Variants in ALDH1A1 observed in about 807,000 individuals in gnomAD.
ALDH1A1 encodes the protein aldehyde dehydrogenase 1 family member A1.
Under a neutral mutation model 62.1 loss-of-function variants are expected in ALDH1A1, and 19 were observed. The observed-to-expected ratio is 0.31, with a 90% CI of 0.21 to 0.45. The LOEUF (loss-of-function observed/expected upper bound fraction) is 0.45, where lower values mean the gene tolerates loss of function less well. Ranked by LOEUF, ALDH1A1 falls within the 20% of genes least tolerant of loss-of-function variation. The pLI is 1.00. For synonymous variants in ALDH1A1, 231 were observed against 215.9 expected (o/e 1.07, Z -0.61); for missense variants, 521 against 607.1 (o/e 0.86, Z 1.49).
intron 7 of ALDH1A1, among the ~76,000 whole-genome samples, chr9:72,921,865 A>T (rs1201808923): frequency 6.6e-6 from 1 of 151,876 alleles, no homozygotes; most frequent in South Asian, 2.1e-4. Flanking sequence ...GACAATGGGA[A>T]CTCAGATGGG....
chr9:72,903,456 T>TA (rs1829832125), intron 12 of ALDH1A1, among the ~76,000 whole-genome samples: 1 of 152,068 alleles, frequency 6.6e-6, no homozygotes, highest in Non-Finnish European at 1.5e-5. Context: ...GGAAAATTTA[T>TA]AATTTAACTC....
At chr9:72,940,363 T>C in intron 1 of ALDH1A1, 111 bp from the exon 2 acceptor site, 1 of 733,954 alleles carries the variant, frequency 1.4e-6, no homozygotes, top group Non-Finnish European at 2.3e-6. Flanking sequence ...GATGCACATC[T>C]CTTCACCTCT....
At chr9:72,950,141 C>T (rs550033765) in intron 1 of ALDH1A1, among the ~76,000 whole-genome samples, 2 of 151,836 alleles carry the variant, frequency 1.3e-5, no homozygotes, top group Non-Finnish European at 2.9e-5. Flanking sequence ...GGATCACTAA[C>T]GTTAAATCAT....
At chr9:72,951,877 G>T (rs1197005804) in intron 1 of ALDH1A1, among the ~76,000 whole-genome samples, 2 of 151,850 alleles carry the variant, frequency 1.3e-5, no homozygotes, top group African/African-American at 4.8e-5. Flanking sequence ...CTTTCCTGAG[G>T]AAAAGAGCCA....
intron 2 of ALDH1A1, among the ~76,000 whole-genome samples, chr9:72,933,592 CAAAAAAA>C (rs60011646): frequency 1.8e-5 from 2 of 111,732 alleles, no homozygotes; most frequent in African/African-American, 3.5e-5. Flanking sequence ...CATCTCAAAA[CAAAAAAA>C]AAAAAAAAAA....
intron 12 of ALDH1A1, among the ~76,000 whole-genome samples, chr9:72,904,318 A>C (rs1829846347): frequency 6.6e-6 from 1 of 152,094 alleles, no homozygotes; most frequent in Non-Finnish European, 1.5e-5. Flanking sequence ...TCCACTAATA[A>C]AATCTAAGTC....
intron 5 of ALDH1A1, 86 bp downstream of exon 5, chr9:72,927,030 C>A: frequency 2.1e-6 from 2 of 943,212 alleles, no homozygotes; most frequent in South Asian, 1.9e-5. Flanking sequence ...ACATAAGCAT[C>A]CATCTGTTTT....
At chr9:72,925,447 T>C in intron 6 of ALDH1A1, 37 bp downstream of exon 6, 1 of 1,606,056 alleles carries the variant, frequency 6.2e-7, no homozygotes, top group Non-Finnish European at 8.5e-7. Flanking sequence ...TTAGGATTCT[T>C]GAGTTCTTGA....
At chr9:72,914,305 A>T (rs1005689335) in intron 9 of ALDH1A1, among the ~76,000 whole-genome samples, 40 of 152,368 alleles carry the variant, frequency 2.6e-4, no homozygotes, top group African/African-American at 9.4e-4. Context: ...GATAATTGTC[A>T]CCATGGGTAT....
intron 2 of ALDH1A1, among the ~76,000 whole-genome samples, chr9:72,938,452 T>C (rs950365893): frequency 1.3e-5 from 2 of 152,086 alleles, no homozygotes; most frequent in Admixed American, 1.3e-4. Flanking sequence ...TAATTTTTTA[T>C]TTTTTATTTT....
rs1830558524 is a variant in ALDH1A1, at chr9:72,952,826, A to G, written c.66+109T>C. Reference sequence around the variant, plus strand: ...CATTTTGCATGCCTTTTATTTTTATATTTGCAAAGGGCTCTTTACACAAGT... The same window carrying G: ...CATTTTGCATGCCTTTTATTTTTATGTTTGCAAAGGGCTCTTTACACAAGT... On this transcript the variant is annotated intron_variant, in intron 1 of 12. Transcript: ENST00000297785. 5.6e-6 allele frequency: 7 copies of G among 1,249,308 alleles called. No individual in the cohort carries two copies. In the South Asian group the frequency reaches 1.1e-4, roughly 20 times the overall value. The allele number at this position is 1,249,308 out of a possible 1,614,324, so 77.4% of individuals were successfully genotyped here.
intron 1 of ALDH1A1, among the ~76,000 whole-genome samples, chr9:72,951,417 C>A (rs1456267777): frequency 2.0e-5 from 3 of 151,646 alleles, no homozygotes; most frequent in Non-Finnish European, 4.4e-5. Flanking sequence ...GAAATACACA[C>A]ACAAGGAAGA....
chr9:72,950,297 A>G (rs1163797938), intron 1 of ALDH1A1, among the ~76,000 whole-genome samples: 1 of 151,892 alleles, frequency 6.6e-6, no homozygotes, highest in South Asian at 2.1e-4. Flanking sequence ...AGCTTGCCCA[A>G]TGATCACATA....
chr9:72,949,112 T>A (rs1251008409), intron 1 of ALDH1A1, among the ~76,000 whole-genome samples: 4 of 151,856 alleles, frequency 2.6e-5, no homozygotes, highest in African/African-American at 9.7e-5. Context: ...CCATAGGAGT[T>A]GAAGAAATGT....
chr9:72,944,885 A>G (rs911078774), intron 1 of ALDH1A1, among the ~76,000 whole-genome samples: 4 of 152,116 alleles, frequency 2.6e-5, no homozygotes, highest in African/African-American at 7.2e-5. Context: ...ATAAATGCCT[A>G]TGCATACTCT....
At chr9:72,928,779 A>C in intron 4 of ALDH1A1, 113 bp downstream of exon 4, 1 of 1,200,562 alleles carries the variant, frequency 8.3e-7, no homozygotes, top group Non-Finnish European at 1.1e-6. Context: ...AGAGGAAAAT[A>C]ATTTTGCCTT....
intron 1 of ALDH1A1, among the ~76,000 whole-genome samples, chr9:72,945,423 A>G (rs1830464034): frequency 6.6e-6 from 1 of 151,920 alleles, no homozygotes. Flanking sequence ...CACATTTTCA[A>G]TGCACAAAGA....
intron 1 of ALDH1A1, chr9:72,942,253 T>A (rs1038131761): frequency 6.2e-6 from 6 of 975,250 alleles, no homozygotes; most frequent in Admixed American, 1.2e-4. Flanking sequence ...CAGCTTAGTA[T>A]TTTTCTTCTC....
chr9:72,950,734 T>C (rs1048417136), intron 1 of ALDH1A1, among the ~76,000 whole-genome samples: 3 of 151,738 alleles, frequency 2.0e-5, no homozygotes, highest in African/African-American at 7.3e-5. Flanking sequence ...AAAAAGGACA[T>C]TAGAATAGTA....
Sources: allele counts gnomAD v4.1 joint callset (sites outside exome capture counted in the v4.1 genomes callset), GRCh38; gene constraint gnomAD v4.1.1; transcripts MANE v1.5; gene names NCBI Gene and HGNC (gene_info 2026-07-23, HGNC 2026-07-21).